Variants in ESYT2 observed in about 807,000 individuals in gnomAD.
ESYT2 encodes the protein extended synaptotagmin 2.
ESYT2 carries 54 observed loss-of-function variants against 107.2 expected under a neutral mutation model. The observed-to-expected ratio is 0.50, with a 90% CI of 0.40 to 0.63. The LOEUF is 0.63. Ranked by LOEUF, ESYT2 falls within the 30% of genes least tolerant of loss-of-function variation. ESYT2 has a pLI of 0.00. For missense variants in ESYT2, 1,020 were observed against 1,094.5 expected, an observed-to-expected ratio of 0.93 and a Z score of 0.96; for synonymous variants, 491 against 434.1, an observed-to-expected ratio of 1.13 and a Z score of -1.63.
intron 1 of ESYT2, among the ~76,000 whole-genome samples, chr7:158,824,288 C>G (rs970753344): frequency 6.6e-6 from 1 of 152,198 alleles, no homozygotes; most frequent in African/African-American, 2.4e-5. Flanking sequence ...CATGACCACT[C>G]GGATTCAGGT....
intron 17 of ESYT2, among the ~76,000 whole-genome samples, chr7:158,743,223 T>G (rs1837272981): frequency 6.6e-6 from 1 of 152,220 alleles, no homozygotes. Flanking sequence ...TAACACTTTC[T>G]GGGCCAAAGG....
At chr7:158,787,952 T>C (rs1839165166) in intron 6 of ESYT2, 52 bp downstream of exon 6, 2 of 1,414,454 alleles carry the variant, frequency 1.4e-6, no homozygotes, top group Non-Finnish European at 1.0e-6. Context: ...TCCACGGGTA[T>C]GTATTTTTGC....
chr7:158,802,350 G>C (rs971351165), intron 1 of ESYT2, among the ~76,000 whole-genome samples: 3 of 151,936 alleles, frequency 2.0e-5, no homozygotes, highest in South Asian at 2.1e-4. Context: ...GCAGTGGCAC[G>C]ATCTCAGCTC....
Position 158,739,120 on chromosome 7 carries a change from C to T in ESYT2, c.2170G>A (p.Gly724Arg), listed in dbSNP as rs1467907752. 3.7e-6 allele frequency: 6 copies of T among 1,613,718 alleles called. No individual in the cohort carries two copies. Among genetic ancestry groups the T allele is most frequent in the African/African-American group, 1.3e-5 (1 of 74,884 alleles). ...LRQRLRQLEN[G>R]TTLGQSPLGQ... ...AGTGGAGACTGTCCCAGGGTCGTCC[C>T]GCTGTGGGAAAAGAGCAGAAAGTCA... Residue 724 changes from glycine to arginine, a missense_variant and splice_region_variant, in exon 19 of 23, where the codon GGG becomes AGG. Coordinates refer to ENST00000275418, the MANE Select transcript of ESYT2 (RefSeq NM_001367773.1).
intron 13 of ESYT2, among the ~76,000 whole-genome samples, chr7:158,758,916 A>C (rs184524899): frequency 3.9e-5 from 6 of 152,330 alleles, no homozygotes; most frequent in African/African-American, 1.4e-4. Context: ...TGATACAAAC[A>C]AAAATATATG....
chr7:158,764,578 G>T, intron 9 of ESYT2, 99 bp downstream of exon 9: 1 of 1,243,614 alleles, frequency 8.0e-7, no homozygotes, highest in South Asian at 1.5e-5. Context: ...TGGCCTAAAT[G>T]AGCCACACTC....
chr7:158,764,817 G>A lies in ESYT2; in HGVS notation c.961C>T (p.Leu321Phe), dbSNP rs1295870372. The A allele has an allele frequency of 3.1e-6, 5 of 1,614,046 alleles. No individual in the cohort carries two copies. The highest frequency in any genetic ancestry group is 4.2e-6 in the Non-Finnish European group (5 of 1,180,032). ...TTAAGGTAAGTGTCTTTCCCCTGAA[G>A]ATCCTGAGCTTCAATAAAATGTATC... is the stretch of plus-strand genomic sequence containing the variant. ...LRIHFIEAQD[L>F]QGKDTYLKGL... The change falls in exon 9 of 23, where the codon CTT becomes TTT. Residue 321 changes from leucine (L) to phenylalanine (F), a missense_variant. Leu to Phe is a conservative substitution (Grantham distance 22). Coordinates refer to ENST00000275418, the MANE Select transcript of ESYT2 (RefSeq NM_001367773.1).
At chr7:158,788,481 C>A in intron 4 of ESYT2, 64 bp from the exon 5 acceptor site, 1 of 1,318,418 alleles carries the variant, frequency 7.6e-7, no homozygotes, top group South Asian at 1.3e-5. Context: ...TCATTATAGA[C>A]CTGCAAGATG....
chr7:158,818,158 A>G (rs1025983043), intron 1 of ESYT2, among the ~76,000 whole-genome samples: 1 of 152,244 alleles, frequency 6.6e-6, no homozygotes, highest in Non-Finnish European at 1.5e-5. Flanking sequence ...AAGGAAGTTA[A>G]TGAATATTAG....
intron 9 of ESYT2, among the ~76,000 whole-genome samples, chr7:158,764,270 G>A (rs993511615): frequency 4.6e-5 from 7 of 152,022 alleles, no homozygotes; most frequent in African/African-American, 1.5e-4. Context: ...TAAAAATCAC[G>A]TAGATCTCTA....
intron 1 of ESYT2, among the ~76,000 whole-genome samples, chr7:158,800,346 C>T (rs958954892): frequency 3.3e-5 from 5 of 152,114 alleles, no homozygotes; most frequent in Non-Finnish European, 5.9e-5. Flanking sequence ...CGATCCCGGC[C>T]AAGGATATTT....
At chr7:158,777,648 C>A (rs113166798) in intron 6 of ESYT2, among the ~76,000 whole-genome samples, 3,703 of 152,032 alleles carry the variant, frequency 0.024, 52 homozygotes, top group Non-Finnish European at 0.036. Flanking sequence ...AGTCAATTAA[C>A]CCTCCTTTCT....
chr7:158,809,288 C>T (rs865859722), intron 1 of ESYT2, among the ~76,000 whole-genome samples: 7 of 151,574 alleles, frequency 4.6e-5, no homozygotes, highest in African/African-American at 9.7e-5. Context: ...CCATCCTGGC[C>T]AACATGGTGA....
At chr7:158,753,479 C>T (rs1373663614) in intron 13 of ESYT2, among the ~76,000 whole-genome samples, 2 of 151,966 alleles carry the variant, frequency 1.3e-5, no homozygotes, top group African/African-American at 2.4e-5. Context: ...TTCTTGCCCT[C>T]AAAAAGGCAA....
chr7:158,829,045 G>A lies in ESYT2; in HGVS notation c.330+44C>T, dbSNP rs1203198246. Reference sequence around the variant, plus strand: ...TGCCTGCCTGGACGAGGGGAGATCGGGACTGGTGGTCAGGGGTCGGGACGG... The same window carrying A: ...TGCCTGCCTGGACGAGGGGAGATCGAGACTGGTGGTCAGGGGTCGGGACGG... On this transcript the variant is annotated intron_variant, in intron 1 of 22. Coordinates refer to ENST00000275418, the MANE Select transcript of ESYT2 (RefSeq NM_001367773.1). 23 of 1,565,176 alleles carry A rather than the reference G, an allele frequency of 1.5e-5. 1 individual carries two copies. In the Admixed American group the frequency reaches 3.7e-4, roughly 25 times the overall value.
intron 11 of ESYT2, 78 bp downstream of exon 11, chr7:158,761,418 G>T: frequency 8.1e-7 from 1 of 1,234,686 alleles, no homozygotes; most frequent in Non-Finnish European, 1.2e-6. Flanking sequence ...TGGTGAAGGG[G>T]TGGTTCGTGG....
chr7:158,767,930 A>C (rs2602542), intron 7 of ESYT2, among the ~76,000 whole-genome samples, 156 bp from the exon 8 acceptor site: 104,157 of 152,056 alleles, frequency 0.68, 37,017 homozygotes, highest in Non-Finnish European at 0.78. Flanking sequence ...TACAACCTGC[A>C]TTTCAATTCT....
At position 158,735,568 on chromosome 7, in the gene ESYT2, T is replaced by A; in HGVS notation, c.2440A>T (p.Thr814Ser). 6.2e-7 allele frequency: 1 copy of A among 1,614,156 alleles called. No individual in the cohort carries two copies. The change falls in exon 21 of 23, where the codon ACG becomes TCG. Residue 814 changes from threonine (T) to serine (S), a missense_variant. Coordinates refer to ENST00000275418, the MANE Select transcript of ESYT2 (RefSeq NM_001367773.1). Reference protein sequence around the residue: ...SVSLPEVQRRTLDVAVKNSGG... With the variant: ...SVSLPEVQRRSLDVAVKNSGG... The stretch of plus-strand genomic sequence containing the variant: ...CTGTTCTTCACGGCAACGTCGAGCG[T>A]TCTCCTCTGCACTTCTGGTAACGAA...
chr7:158,740,336 G>A (rs368375302), intron 18 of ESYT2, among the ~76,000 whole-genome samples: 1 of 152,196 alleles, frequency 6.6e-6, no homozygotes, highest in Non-Finnish European at 1.5e-5. Flanking sequence ...ACCCTATAAG[G>A]ATAAGGAATA....
Sources: allele counts gnomAD v4.1 joint callset (sites outside exome capture counted in the v4.1 genomes callset), GRCh38; gene constraint gnomAD v4.1.1; transcripts MANE v1.5; gene names NCBI Gene and HGNC (gene_info 2026-07-23, HGNC 2026-07-21).